Variants in PRDM2 observed in about 807,000 individuals in gnomAD.
PRDM2 encodes PR/SET domain 2, also known as PR domain zinc finger protein 2.
Under a neutral mutation model 130.0 loss-of-function variants are expected in PRDM2, and 30 were observed. The ratio of observed to expected loss-of-function variants is 0.23; its 90% CI spans 0.17 to 0.31. The LOEUF is 0.31. PRDM2 is among the 10% of genes least tolerant of loss of function. PRDM2 has a pLI of 1.00. For synonymous variants in PRDM2, 871 were observed against 782.4 expected (o/e 1.11, Z -1.89); for missense variants, 2,011 against 2,108.4 (o/e 0.95, Z 0.90).
At chr1:13,774,954 C>T (rs954919827) in intron 7 of PRDM2, among the ~76,000 whole-genome samples, 6 of 146,598 alleles carry the variant, frequency 4.1e-5, no homozygotes, top group East Asian at 4.0e-4. Flanking sequence ...GGCGACAGAG[C>T]GAGACTCCGT....
Position 13,779,812 on chromosome 1 carries a change from A to G in PRDM2, c.2017A>G (p.Thr673Ala), listed in dbSNP as rs925511516. ...CSLSLPLSISTTEAVSFHKEK... is the reference protein window; with the variant it reads ...CSLSLPLSISATEAVSFHKEK... ...TTTAAGTCTTCCTCTTAGCATATCA[A>G]CAACAGAGGCAGTGTCTTTCCACAA... The change falls in exon 8 of 10, where the codon ACA (threonine) becomes GCA (alanine). Residue 673 changes from threonine (T) to alanine (A), a missense_variant. Transcript: ENST00000311066. The surrounding 1 kb of genome is among the most constrained non-coding windows in gnomAD (Gnocchi z 4.9). 3.7e-6 allele frequency: 6 copies of G among 1,614,104 alleles called. No homozygotes were observed. Among genetic ancestry groups the G allele is most frequent in the Non-Finnish European group, 5.1e-6 (6 of 1,180,044 alleles).
chr1:13,815,580 G>A (rs1425231970), intron 8 of PRDM2, among the ~76,000 whole-genome samples: 1 of 152,166 alleles, frequency 6.6e-6, no homozygotes, highest in African/African-American at 2.4e-5. Context: ...CCCCACCCAG[G>A]AGTTAAAGAA....
chr1:13,765,902 C>G (rs189899281), intron 6 of PRDM2, among the ~76,000 whole-genome samples: 1 of 152,136 alleles, frequency 6.6e-6, no homozygotes, highest in Non-Finnish European at 1.5e-5. Context: ...CTTTTCTCCT[C>G]CCAGTTAAGC....
At chr1:13,782,934 A>G (rs777853884) in intron 8 of PRDM2, 103 bp downstream of exon 8, 3 of 1,535,728 alleles carry the variant, frequency 2.0e-6, no homozygotes, top group African/African-American at 1.4e-5. Flanking sequence ...TTTTTTCCCC[A>G]CTTAAAGGAA....
At chr1:13,729,924 T>C (rs533253659) in intron 2 of PRDM2, among the ~76,000 whole-genome samples, 2 of 152,312 alleles carry the variant, frequency 1.3e-5, no homozygotes, top group East Asian at 1.9e-4. Flanking sequence ...AAGCCAAAAA[T>C]TGAAATGCTG....
chr1:13,731,182 G>GC, intron 3 of PRDM2, 65 bp downstream of exon 3: 1 of 1,283,828 alleles, frequency 7.8e-7, no homozygotes, highest in Non-Finnish European at 1.1e-6. Flanking sequence ...GAGGCTTCCT[G>GC]CAGGGGCATG....
chr1:13,724,489 T>C (rs1642840886), intron 2 of PRDM2, among the ~76,000 whole-genome samples: 1 of 150,634 alleles, frequency 6.6e-6, no homozygotes, highest in Non-Finnish European at 1.5e-5. Context: ...AGAAATTCCT[T>C]TTCATGGCTT....
chr1:13,795,493 A>G (rs1001451161), intron 8 of PRDM2, among the ~76,000 whole-genome samples: 1 of 152,182 alleles, frequency 6.6e-6, no homozygotes, highest in Admixed American at 6.5e-5. Flanking sequence ...GTGAGGAGGT[A>G]GAAGGGAGCC....
chr1:13,815,610 G>A (rs1433724535), intron 8 of PRDM2, among the ~76,000 whole-genome samples: 2 of 152,186 alleles, frequency 1.3e-5, no homozygotes, highest in Non-Finnish European at 2.9e-5. Context: ...CCTGGAGGAG[G>A]TAGCATCCCA....
intron 5 of PRDM2, among the ~76,000 whole-genome samples, chr1:13,744,488 T>TGGGG (rs1569835331): frequency 1.3e-5 from 2 of 151,996 alleles, no homozygotes; most frequent in East Asian, 3.9e-4. Context: ...TGGTCAGGAG[T>TGGGG]GGGGACTCTG....
intron 5 of PRDM2, among the ~76,000 whole-genome samples, chr1:13,748,938 G>C (rs1355392695): frequency 6.6e-6 from 1 of 152,162 alleles, no homozygotes; most frequent in African/African-American, 2.4e-5. Flanking sequence ...TGGAACGCGC[G>C]CTAGTCGTTG....
chr1:13,752,028 A>G (rs901436181), intron 6 of PRDM2, among the ~76,000 whole-genome samples: 1 of 149,032 alleles, frequency 6.7e-6, no homozygotes, highest in Non-Finnish European at 1.5e-5. Flanking sequence ...GCTGTGTACT[A>G]GGCACTCTGC....
At position 13,739,238 on chromosome 1, in the gene PRDM2, G is replaced by A. The variant is rs546661105; in HGVS notation, c.232-2767G>A. 1.2e-3 allele frequency among the ~76,000 whole-genome samples: 177 copies of A among 152,070 alleles called. 3 individuals carry two copies. The South Asian group carries it at 0.036, about 31-fold the overall frequency. The stretch of plus-strand genomic sequence containing the variant: ...ATTTTTTTGTATTTTTAGTAGAGAT[G>A]GGGTTTCACCGTGTTAGCCAGGATG... On this transcript the variant is annotated intron_variant, in intron 4 of 9. Coordinates refer to ENST00000311066, the MANE Select transcript of PRDM2 (RefSeq NM_001393986.1).
chr1:13,816,346 A>G, intron 8 of PRDM2, 81 bp from the exon 9 acceptor site: 1 of 1,551,118 alleles, frequency 6.4e-7, no homozygotes, highest in Non-Finnish European at 8.8e-7. Flanking sequence ...GGTGACCAGC[A>G]CTAAGGAAGC....
At chr1:13,736,535 A>G (rs1643278274) in intron 4 of PRDM2, among the ~76,000 whole-genome samples, 1 of 152,212 alleles carries the variant, frequency 6.6e-6, no homozygotes, top group African/African-American at 2.4e-5. Context: ...TTATGATTAT[A>G]AATAATTTTT....
intron 9 of PRDM2, among the ~76,000 whole-genome samples, chr1:13,821,333 G>C (rs1351188453): frequency 1.3e-5 from 2 of 152,052 alleles, no homozygotes; most frequent in African/African-American, 2.4e-5. Flanking sequence ...AATAATAGCA[G>C]TAGTTATTTT....
At chr1:13,791,129 G>C (rs963246101) in intron 8 of PRDM2, among the ~76,000 whole-genome samples, 3 of 151,390 alleles carry the variant, frequency 2.0e-5, no homozygotes, top group Non-Finnish European at 4.4e-5. Flanking sequence ...TTTTTTTTAA[G>C]GGATTTTATT....
chr1:13,774,664 A>G (rs1215723728), intron 7 of PRDM2, among the ~76,000 whole-genome samples: 1 of 152,086 alleles, frequency 6.6e-6, no homozygotes, highest in African/African-American at 2.4e-5. Context: ...TCCTGACACA[A>G]CATCAGGTCC....
chr1:13,799,807 A>G (rs1644979650), intron 8 of PRDM2, among the ~76,000 whole-genome samples: 1 of 152,256 alleles, frequency 6.6e-6, no homozygotes, highest in Admixed American at 6.5e-5. Flanking sequence ...GCATAGAGCT[A>G]TTTATGAAAA....
Sources: allele counts gnomAD v4.1 joint callset (sites outside exome capture counted in the v4.1 genomes callset), GRCh38; gene constraint gnomAD v4.1.1; non-coding constraint Gnocchi (gnomAD v3.1); transcripts MANE v1.5; gene names NCBI Gene and HGNC (gene_info 2026-07-23, HGNC 2026-07-21).